Variants in ST8SIA6 observed in about 807,000 individuals in gnomAD.
ST8SIA6 encodes the protein ST8 alpha-N-acetyl-neuraminide alpha-2,8-sialyltransferase 6, also known as alpha-2,8-sialyltransferase 8F.
ST8SIA6 carries 39 observed loss-of-function variants against 33.6 expected under a neutral mutation model. The ratio of observed to expected loss-of-function variants is 1.16; its 90% CI spans 0.90 to 1.52. The LOEUF (loss-of-function observed/expected upper bound fraction) is 1.52. ST8SIA6 is among the 40% of genes most tolerant of loss of function. ST8SIA6 has a pLI of 0.00. For missense variants in ST8SIA6, 441 were observed against 443.8 expected, an observed-to-expected ratio of 0.99 and a Z score of 0.06; for synonymous variants, 172 against 167.2, an observed-to-expected ratio of 1.03 and a Z score of -0.22.
chr10:17,350,265 T>G (rs1848986482), intron 4 of ST8SIA6, among the ~76,000 whole-genome samples: 1 of 152,196 alleles, frequency 6.6e-6, no homozygotes, highest in Non-Finnish European at 1.5e-5. Flanking sequence ...CTTCCAGGAT[T>G]TGGCTGTGTC....
chr10:17,430,428 T>C (rs1349696358), intron 2 of ST8SIA6, among the ~76,000 whole-genome samples: 2 of 152,246 alleles, frequency 1.3e-5, no homozygotes, highest in Admixed American at 6.5e-5. Flanking sequence ...GATTGCTGGA[T>C]TGAATGGTAG....
At chr10:17,406,853 G>A (rs937088940) in intron 2 of ST8SIA6, among the ~76,000 whole-genome samples, 1 of 147,582 alleles carries the variant, frequency 6.8e-6, no homozygotes, top group South Asian at 2.2e-4. Flanking sequence ...GGAGTGCAAC[G>A]GTGCAATCTC....
At chr10:17,371,504 C>G (rs528547992) in intron 3 of ST8SIA6, among the ~76,000 whole-genome samples, 2 of 151,844 alleles carry the variant, frequency 1.3e-5, no homozygotes, top group African/African-American at 4.8e-5. Context: ...ATGAGAAGGG[C>G]CTGGGCACAC....
chr10:17,398,965 T>G (rs955782083), intron 2 of ST8SIA6: 1 of 152,224 alleles, frequency 6.6e-6, no homozygotes, highest in African/African-American at 2.4e-5. Flanking sequence ...GTAGTTTTCC[T>G]GAGGGAGAAA....
At chr10:17,353,282 G>A (rs1416842078) in intron 4 of ST8SIA6, among the ~76,000 whole-genome samples, 1 of 152,174 alleles carries the variant, frequency 6.6e-6, no homozygotes, top group African/African-American at 2.4e-5. Context: ...GTAAAACTAA[G>A]TGTGATTTTC....
intron 4 of ST8SIA6, among the ~76,000 whole-genome samples, chr10:17,344,171 A>G (rs1210026206): frequency 2.0e-5 from 3 of 152,206 alleles, no homozygotes; most frequent in Non-Finnish European, 4.4e-5. Context: ...CAAATAAACC[A>G]TGGCAAAGAT....
At chr10:17,333,710 T>TAC (rs1564405082) in intron 4 of ST8SIA6, among the ~76,000 whole-genome samples, 7 of 35,108 alleles carry the variant, frequency 2.0e-4, no homozygotes, top group Non-Finnish European at 3.2e-4. Context: ...TATATATATA[T>TAC]ATATATATTT....
chr10:17,337,194 C>A (rs1028059964), intron 4 of ST8SIA6, among the ~76,000 whole-genome samples: 1 of 152,174 alleles, frequency 6.6e-6, no homozygotes, highest in Non-Finnish European at 1.5e-5. Context: ...ACCTCTTTGT[C>A]TTCCGCCATG....
chr10:17,346,597 A>C (rs1274911965), intron 4 of ST8SIA6, among the ~76,000 whole-genome samples: 1 of 152,138 alleles, frequency 6.6e-6, no homozygotes, highest in African/African-American at 2.4e-5. Context: ...CTGTCTCAAA[A>C]ACAGTAACAA....
At chr10:17,433,641 A>T (rs1852166911) in intron 2 of ST8SIA6, among the ~76,000 whole-genome samples, 1 of 152,140 alleles carries the variant, frequency 6.6e-6, no homozygotes, top group Non-Finnish European at 1.5e-5. Flanking sequence ...GGACTCAGGG[A>T]TGCAGCCCTC....
rs968751555 is a variant in ST8SIA6 at position 17,317,230 on chromosome 10, C to A, written c.*3648G>T. ...TGTCTCCATTACATAAGTAGCGCAT[C>A]TTTATCATATATCACCCACATTTTT... On this transcript the variant is annotated 3_prime_UTR_variant, in exon 8 of 8. Coordinates refer to ENST00000377602, the MANE Select transcript of ST8SIA6 (RefSeq NM_001004470.3). Among the ~76,000 whole-genome samples, 5 of 152,126 alleles carry A rather than the reference C, an allele frequency of 3.3e-5. No homozygotes were observed. Among genetic ancestry groups the A allele is most frequent in the Non-Finnish European group, 7.4e-5 (5 of 68,010 alleles).
chr10:17,443,228 T>A (rs778940729), intron 2 of ST8SIA6, among the ~76,000 whole-genome samples: 2 of 152,208 alleles, frequency 1.3e-5, no homozygotes, highest in Non-Finnish European at 2.9e-5. Context: ...TATTATAGAC[T>A]TAGAAGATAC....
chr10:17,355,937 T>C (rs541701992), intron 4 of ST8SIA6, among the ~76,000 whole-genome samples: 2 of 152,328 alleles, frequency 1.3e-5, no homozygotes, highest in Admixed American at 1.3e-4. Context: ...ACCCTCCCTT[T>C]GCAGCCATCT....
At chr10:17,389,039 C>T (rs1850483726) in intron 3 of ST8SIA6, among the ~76,000 whole-genome samples, 1 of 152,256 alleles carries the variant, frequency 6.6e-6, no homozygotes, top group Admixed American at 6.5e-5. Flanking sequence ...CTGACACCCC[C>T]CAGACTCATA....
chr10:17,437,535 C>T (rs1182790883), intron 2 of ST8SIA6, among the ~76,000 whole-genome samples: 2 of 151,946 alleles, frequency 1.3e-5, no homozygotes, highest in South Asian at 2.1e-4. Flanking sequence ...GAAGCAGACT[C>T]ACCTTGGAGA....
At chr10:17,360,633 C>T (rs1849349417) in intron 3 of ST8SIA6, among the ~76,000 whole-genome samples, 1 of 151,858 alleles carries the variant, frequency 6.6e-6, no homozygotes, top group Admixed American at 6.6e-5. Context: ...AATCATTTGA[C>T]AACTGACACC....
chr10:17,328,104 G>A (rs1474198537), intron 5 of ST8SIA6, among the ~76,000 whole-genome samples: 6 of 152,078 alleles, frequency 3.9e-5, no homozygotes, highest in African/African-American at 1.2e-4. Context: ...CTGCCTTTCT[G>A]ATAAACAAGG....
chr10:17,438,945 T>C (rs1852375074), intron 2 of ST8SIA6, among the ~76,000 whole-genome samples: 1 of 152,094 alleles, frequency 6.6e-6, no homozygotes, highest in South Asian at 2.1e-4. Flanking sequence ...ATTTTCAGAG[T>C]TAACAATTCT....
At chr10:17,342,306 G>C (rs759191075) in intron 4 of ST8SIA6, among the ~76,000 whole-genome samples, 3 of 152,204 alleles carry the variant, frequency 2.0e-5, no homozygotes, top group Non-Finnish European at 4.4e-5. Context: ...TGGCATTTAA[G>C]TATCATTTCA....
Sources: gnomAD v4.1 joint callset for allele counts (sites outside exome capture counted in the v4.1 genomes callset) on GRCh38, gnomAD v4.1.1 for gene constraint, MANE v1.5 for transcripts, NCBI Gene and HGNC (gene_info 2026-07-23, HGNC 2026-07-21) for gene names.